Variants in KDM4B observed in about 807,000 individuals in gnomAD.
KDM4B encodes lysine-specific demethylase 4B.
In KDM4B, 32 loss-of-function variants were observed where a neutral mutation model predicts 125.2. The observed-to-expected ratio is 0.26, with a 90% CI of 0.19 to 0.34. The LOEUF is 0.34. Ranked by LOEUF, KDM4B falls within the 10% of genes least tolerant of loss-of-function variation. The probability of loss-of-function intolerance (pLI) is 1.00; values close to 1 mark genes in which losing one functional copy is unlikely to be tolerated. For synonymous variants in KDM4B, 721 were observed against 677.9 expected (o/e 1.06, Z -0.99); for missense variants, 1,190 against 1,577.7 (o/e 0.75, Z 4.16).
chr19:5,137,861 C>T (rs2039677109), intron 17 of KDM4B, 101 bp from the exon 18 acceptor site: 1 of 1,159,506 alleles, frequency 8.6e-7, no homozygotes, highest in Non-Finnish European at 1.2e-6. Flanking sequence ...CTGAAGTTCC[C>T]CAGGCCCTGA....
At chr19:5,014,727 G>A (rs755287691) in intron 1 of KDM4B, among the ~76,000 whole-genome samples, 1 of 152,058 alleles carries the variant, frequency 6.6e-6, no homozygotes, top group Non-Finnish European at 1.5e-5. Context: ...TAAAAGTCCT[G>A]GTGAATTGTA....
At chr19:5,054,504 A>G (rs1298407407) in intron 6 of KDM4B, among the ~76,000 whole-genome samples, 1 of 151,998 alleles carries the variant, frequency 6.6e-6, no homozygotes, top group Non-Finnish European at 1.5e-5. Flanking sequence ...GCGCATGCAC[A>G]TGCGTACACA....
chr19:5,016,026 G>T (rs1024751343), intron 1 of KDM4B, among the ~76,000 whole-genome samples: 1 of 152,160 alleles, frequency 6.6e-6, no homozygotes, highest in Non-Finnish European at 1.5e-5. Flanking sequence ...CGCTGCCTTG[G>T]CCCGTAGATT....
At chr19:5,062,331 T>G (rs571765582) in intron 6 of KDM4B, among the ~76,000 whole-genome samples, 12 of 152,378 alleles carry the variant, frequency 7.9e-5, no homozygotes, top group Middle Eastern at 3.4e-3. Context: ...CTGCCTGTCC[T>G]GGGCGACCCA....
At chr19:4,987,028 G>A (rs189524996) in intron 1 of KDM4B, among the ~76,000 whole-genome samples, 16 of 151,602 alleles carry the variant, frequency 1.1e-4, no homozygotes, top group Admixed American at 2.0e-4. Context: ...ACAATCTCTC[G>A]GCTCACTGCA....
intron 6 of KDM4B, among the ~76,000 whole-genome samples, chr19:5,049,697 A>G (rs532326955): frequency 6.6e-6 from 1 of 152,200 alleles, no homozygotes; most frequent in Non-Finnish European, 1.5e-5. Flanking sequence ...TGCCTGCGAC[A>G]GGCATAGACC....
chr19:5,023,239 G>A (rs905764346), intron 2 of KDM4B, among the ~76,000 whole-genome samples: 2 of 152,212 alleles, frequency 1.3e-5, no homozygotes, highest in South Asian at 4.1e-4. Context: ...GCTCTCTGGA[G>A]TAGGACGAAG....
intron 21 of KDM4B, among the ~76,000 whole-genome samples, chr19:5,149,203 C>A (rs1319569697): frequency 6.6e-6 from 1 of 152,262 alleles, no homozygotes; most frequent in Admixed American, 6.5e-5. Flanking sequence ...CCGGGCCCCC[C>A]CGCTGCACAC....
chr19:4,984,031 C>T (rs2145338982), intron 1 of KDM4B, among the ~76,000 whole-genome samples: 1 of 152,318 alleles, frequency 6.6e-6, no homozygotes, highest in East Asian at 1.9e-4. Flanking sequence ...TCTTAAGGGA[C>T]ACCTGGCCAC....
chr19:5,144,663 GC>G (rs2039810219), intron 20 of KDM4B, 119 bp from the exon 21 acceptor site: 1 of 1,439,304 alleles, frequency 6.9e-7, no homozygotes, highest in Non-Finnish European at 9.5e-7. Context: ...GGCCCCCGCA[GC>G]CAGCTTTGGG....
chr19:5,122,032 A>G (rs1404273176), intron 11 of KDM4B, among the ~76,000 whole-genome samples: 1 of 152,158 alleles, frequency 6.6e-6, no homozygotes, highest in Non-Finnish European at 1.5e-5. Flanking sequence ...CGCTGAAATG[A>G]AGGACCATGA....
rs191489217 is a variant in KDM4B at position 5,081,775 on chromosome 19, G to A, written c.781-592G>A. ...AGATGGCTTGGGATGGCGGCGTGTC[G>A]CAGGCCCCTTCCTGGCGTGTTTTGC... is the stretch of plus-strand genomic sequence containing the variant. On this transcript the variant is annotated intron_variant, in intron 8 of 22. Transcript: ENST00000159111. The surrounding 1 kb of genome is among the most constrained non-coding windows in gnomAD (Gnocchi z 4.2). Among the ~76,000 whole-genome samples, 34 of 152,304 alleles carry A rather than the reference G, an allele frequency of 2.2e-4. 1 individual carries two copies. The highest frequency in any genetic ancestry group is 1.9e-3 in the East Asian group (10 of 5,174).
In KDM4B at chr19:5,082,801, G is replaced by A. The variant is rs1306417720; in HGVS notation, c.918+297G>A. Among the ~76,000 whole-genome samples, 6 of 152,210 alleles carry A rather than the reference G, an allele frequency of 3.9e-5. No homozygotes were observed. The highest frequency in any genetic ancestry group is 2.1e-4 in the South Asian group (1 of 4,830). On this transcript the variant is annotated intron_variant, in intron 9 of 22. Transcript: ENST00000159111. This position sits in a 1 kb window ranked among gnomAD's most constrained non-coding sequence, Gnocchi z 5.4. Reference sequence around the variant, plus strand: ...CTGCGTGGGCCTCCTGGGCATGGCCGGCTGCTCGGGTCTAGGGGTTGGGGT... The same window carrying A: ...CTGCGTGGGCCTCCTGGGCATGGCCAGCTGCTCGGGTCTAGGGGTTGGGGT...
rs73921827 is a variant in KDM4B at position 5,020,822 on chromosome 19, C to T, written c.-26+4483C>T. Among the ~76,000 whole-genome samples the T allele has an allele frequency of 1.4e-3, 210 of 152,294 alleles. 2 individuals carry two copies. The highest frequency in any genetic ancestry group is 4.6e-3 in the African/African-American group (191 of 41,568). ...ACACTTCGCTTTCTGTCTGTGCACACGGATAGGTGTCAGCTGGGGGCTGAT... is the reference window on the plus strand; with the variant it reads ...ACACTTCGCTTTCTGTCTGTGCACATGGATAGGTGTCAGCTGGGGGCTGAT... On this transcript the variant is annotated intron_variant, in intron 2 of 22. Coordinates refer to ENST00000159111, the MANE Select transcript of KDM4B (RefSeq NM_015015.3).
intron 1 of KDM4B, among the ~76,000 whole-genome samples, chr19:5,003,287 G>C (rs1395952812): frequency 6.6e-6 from 1 of 152,002 alleles, no homozygotes; most frequent in Admixed American, 6.6e-5. Flanking sequence ...TCAGGAGTTC[G>C]AGACCAGCCT....
At chr19:5,054,714 G>C (rs1435696822) in intron 6 of KDM4B, among the ~76,000 whole-genome samples, 1 of 152,230 alleles carries the variant, frequency 6.6e-6, no homozygotes, top group East Asian at 1.9e-4. Context: ...GTGTGGCCTA[G>C]AGCGTGGCGT....
At chr19:5,038,327 T>C (rs1266115541) in intron 3 of KDM4B, among the ~76,000 whole-genome samples, 2 of 152,142 alleles carry the variant, frequency 1.3e-5, no homozygotes, top group Non-Finnish European at 2.9e-5. Context: ...GCCCATAGGC[T>C]CACCCCCACC....
intron 1 of KDM4B, among the ~76,000 whole-genome samples, chr19:4,976,155 A>T (rs1427032020): frequency 7.1e-6 from 1 of 141,358 alleles, no homozygotes; most frequent in Non-Finnish European, 1.5e-5. Context: ...AGGCTGAGGC[A>T]GGAGAATCGC....
intron 22 of KDM4B, 100 bp downstream of exon 22, chr19:5,150,550 C>T (rs1348366483): frequency 1.2e-6 from 1 of 820,756 alleles, no homozygotes; most frequent in Non-Finnish European, 1.9e-6. Context: ...GTGGACCACC[C>T]CCTCCTCTTG....
Sources: allele counts gnomAD v4.1 joint callset (sites outside exome capture counted in the v4.1 genomes callset), GRCh38; gene constraint gnomAD v4.1.1; non-coding constraint Gnocchi (gnomAD v3.1); transcripts MANE v1.5; gene names NCBI Gene and HGNC (gene_info 2026-07-23, HGNC 2026-07-21).